The following LPIN2 variants were observed in gnomAD, a reference collection of about 807,000 sequenced individuals.
The protein encoded by LPIN2 is phosphatidate phosphatase LPIN2.
Under a neutral mutation model 111.4 loss-of-function variants are expected in LPIN2, and 55 were observed. The ratio of observed to expected loss-of-function variants is 0.49; its 90% CI spans 0.40 to 0.62. The LOEUF (loss-of-function observed/expected upper bound fraction) is 0.62, where lower values mean the gene tolerates loss of function less well. LPIN2 is among the 20% of genes least tolerant of loss of function. The probability of loss-of-function intolerance (pLI) is 0.00; values close to 1 mark genes in which losing one functional copy is unlikely to be tolerated. For synonymous variants in LPIN2, 425 were observed against 414.0 expected, an observed-to-expected ratio of 1.03 and a Z score of -0.32; for missense variants, 992 against 1,112.1, an observed-to-expected ratio of 0.89 and a Z score of 1.54.
At chr18:3,012,523 T>G (rs941477445) in intron 1 of LPIN2, among the ~76,000 whole-genome samples, 1 of 152,176 alleles carries the variant, frequency 6.6e-6, no homozygotes, top group East Asian at 1.9e-4. Flanking sequence ...CTAACCACAT[T>G]TGAATCCGGT....
chr18:2,931,184 A>T, intron 9 of LPIN2, 72 bp downstream of exon 9: 1 of 1,506,152 alleles, frequency 6.6e-7, no homozygotes, highest in Non-Finnish European at 9.2e-7. Flanking sequence ...AAATGGCTAC[A>T]CGGTAAGTTT....
intron 1 of LPIN2, among the ~76,000 whole-genome samples, chr18:2,964,668 C>T (rs1304537858): frequency 1.3e-5 from 2 of 152,148 alleles, no homozygotes; most frequent in Non-Finnish European, 2.9e-5. Flanking sequence ...CTGCAGTACC[C>T]CAAGCTGACT....
At chr18:2,936,693 C>A (rs1031081185) in intron 7 of LPIN2, among the ~76,000 whole-genome samples, 10 of 152,206 alleles carry the variant, frequency 6.6e-5, no homozygotes, top group Non-Finnish European at 1.5e-4. Flanking sequence ...GATCTTCCCA[C>A]CTCAGCCTCC....
intron 1 of LPIN2, among the ~76,000 whole-genome samples, chr18:3,002,457 C>T (rs1784752): frequency 0.91 from 139,166 of 152,182 alleles, 64,444 homozygotes; most frequent in East Asian, 1. Context: ...ACCTGCAATA[C>T]ACTAGGTATA....
chr18:2,939,405 TTTAC>T, intron 6 of LPIN2, 71 bp downstream of exon 6: 1 of 1,589,910 alleles, frequency 6.3e-7, no homozygotes, highest in Non-Finnish European at 8.6e-7. Context: ...AATTGCCTCC[TTTAC>T]TTATGGGCAG....
intron 1 of LPIN2, among the ~76,000 whole-genome samples, chr18:2,989,843 C>T (rs2078238790): frequency 6.6e-6 from 1 of 151,820 alleles, no homozygotes; most frequent in Admixed American, 6.6e-5. Context: ...TCACTTGAAC[C>T]CAGGAGGTGG....
In LPIN2 at chr18:2,918,524, C is replaced by A. The variant is rs1226038161; in HGVS notation, c.*1769G>T. The A allele has an allele frequency of 6.6e-6, 1 of 152,156 alleles. No individual in the cohort carries two copies. Among genetic ancestry groups the A allele is most frequent in the Non-Finnish European group, 1.5e-5 (1 of 68,030 alleles). 9.4% of individuals were successfully genotyped at this position (152,156 alleles called of 1,614,324 possible). On this transcript the variant is annotated 3_prime_UTR_variant, in exon 20 of 20. Coordinates refer to ENST00000677752, the MANE Select transcript of LPIN2 (RefSeq NM_001375808.2). ...GGAAGAACTTCATATAAACAGAACC[C>A]AGGATCCCTAACCTACTGTAGATAA...
chr18:2,937,982 G>A lies in LPIN2; in HGVS notation c.878C>T (p.Ser293Leu). 6.2e-7 allele frequency: 1 copy of A among 1,614,188 alleles called. No homozygotes were observed. The highest frequency in any genetic ancestry group is 8.5e-7 in the Non-Finnish European group (1 of 1,180,022). ...HHPRTATITP[S>L]ENTHFRVIPS... ...AATTACCCGAAAATGAGTATTTTCT[G>A]ATGGTGTAATTGTAGCTGTCCTAGG... Residue 293 changes from serine to leucine, a missense_variant, in exon 7 of 20, where the codon TCA becomes TTA. Physicochemically the swap from Ser to Leu is moderately radical, Grantham distance 145. Around this residue, in one of 4 missense-constraint regions of LPIN2, gnomAD observed 709 missense variants for 753.2 expected, o/e 0.94. Transcript: ENST00000677752.
At position 2,977,922 on chromosome 18, in the gene LPIN2, G is replaced by A. The variant is rs930890507; in HGVS notation, c.-9-17073C>T. Among the ~76,000 whole-genome samples the A allele has an allele frequency of 5.9e-5, 9 of 152,188 alleles. 1 individual carries two copies. In the South Asian group the frequency reaches 1.9e-3, roughly 31 times the overall value. On this transcript the variant is annotated intron_variant, in intron 1 of 19. Transcript: ENST00000677752. ...AAAGTTTGAGGAGAGGCCGGGCTCG[G>A]TGGTTTACACCTGTAATCCCAGCAC...
At chr18:2,976,875 T>C (rs1362410723) in intron 1 of LPIN2, among the ~76,000 whole-genome samples, 4 of 152,160 alleles carry the variant, frequency 2.6e-5, no homozygotes, top group South Asian at 4.1e-4. Context: ...TCCACAGATA[T>C]ACATCCAAAA....
In LPIN2 at chr18:2,939,501, G is replaced by A. The variant is rs779407137; in HGVS notation, c.801C>T (p.Gly267=). The A allele has an allele frequency of 7.4e-6, 12 of 1,613,656 alleles. No homozygotes were observed. In the East Asian group the frequency reaches 1.6e-4, roughly 21 times the overall value. The change falls in exon 6 of 20, where the codon GGC becomes GGT. Residue 267 remains glycine (G), a synonymous_variant. Transcript: ENST00000677752. The part of the protein sequence containing the change: ...RSESHMEWTW[G]GFPESTKVSK... Reference sequence around the variant, plus strand: ...GTACCTTGGTGGACTCTGGGAATCCGCCCCACGTCCACTCCATGTGAGACT... The same window carrying A: ...GTACCTTGGTGGACTCTGGGAATCCACCCCACGTCCACTCCATGTGAGACT...
chr18:2,934,747 T>G (rs1388559798), intron 7 of LPIN2, among the ~76,000 whole-genome samples: 1 of 152,188 alleles, frequency 6.6e-6, no homozygotes, highest in African/African-American at 2.4e-5. Context: ...TTTTTTGTAT[T>G]TATAGGTCTA....
chr18:2,939,461 G>A lies in LPIN2; in HGVS notation c.822+19C>T, dbSNP rs1568540309. ...TTTAATCATTAACACACTTTCCACA[G>A]GCAAGTAAACCCTAGTACCTTGGTG... On this transcript the variant is annotated intron_variant, in intron 6 of 19. Transcript: ENST00000677752. 1 of 1,613,076 alleles carries A rather than the reference G, an allele frequency of 6.2e-7. No individual in the cohort carries two copies. Among genetic ancestry groups the A allele is most frequent in the Non-Finnish European group, 8.5e-7 (1 of 1,179,326 alleles).
chr18:2,937,960 T>C lies in LPIN2; in HGVS notation c.900A>G (p.Val300=). The part of the protein sequence containing the change: ...ITPSENTHFR[V]IPSEDNLISE... ...TGATGAGGTTGTCCTCACTGGGAAT[T>C]ACCCGAAAATGAGTATTTTCTGATG... Residue 300 remains valine (V), a synonymous_variant, in exon 7 of 20, where the codon GTA becomes GTG. Coordinates refer to ENST00000677752, the MANE Select transcript of LPIN2 (RefSeq NM_001375808.2). 1 of 1,614,180 alleles carries C rather than the reference T, an allele frequency of 6.2e-7. No homozygotes were observed. Among genetic ancestry groups the C allele is most frequent in the Non-Finnish European group, 8.5e-7 (1 of 1,180,014 alleles).
In LPIN2 at chr18:2,954,603, T is replaced by C. The variant is rs1463840081; in HGVS notation, c.193-4A>G. On this transcript the variant is annotated splice_polypyrimidine_tract_variant and splice_region_variant and intron_variant, in intron 2 of 19. Transcript: ENST00000677752. ...TGCCGTTGATTTCTATATCAATCTA[T>C]GGGAGAAACAAAGTATGACTTAATG... 3.1e-6 allele frequency: 5 copies of C among 1,588,340 alleles called. 1 individual carries two copies. In the African/African-American group the frequency reaches 5.4e-5, roughly 17 times the overall value.
chr18:2,937,578 C>CG (rs1295322534), intron 7 of LPIN2, 114 bp downstream of exon 7: 8 of 616,150 alleles, frequency 1.3e-5, no homozygotes, highest in Non-Finnish European at 2.2e-5. Context: ...AAAAGTGCGA[C>CG]GGGTTTCGAC....
chr18:2,974,446 C>T (rs2077975918), intron 1 of LPIN2, among the ~76,000 whole-genome samples: 1 of 152,162 alleles, frequency 6.6e-6, no homozygotes, highest in Admixed American at 6.5e-5. Flanking sequence ...AGAAATCCTT[C>T]CTTTGTAAAA....
intron 1 of LPIN2, chr18:2,985,319 A>G (rs1472092120): frequency 6.6e-6 from 1 of 152,154 alleles, no homozygotes; most frequent in Non-Finnish European, 1.5e-5. Context: ...AACAATTCTT[A>G]ATCATCCCTA....
chr18:2,948,108 T>G (rs1296524287), intron 4 of LPIN2: 1 of 152,226 alleles, frequency 6.6e-6, no homozygotes, highest in Non-Finnish European at 1.5e-5. Context: ...TTTTTTAAAG[T>G]CCTAATTTCT....
Sources: allele counts gnomAD v4.1 joint callset (sites outside exome capture counted in the v4.1 genomes callset), GRCh38; gene constraint gnomAD v4.1.1; regional missense constraint gnomAD v4.1.1; transcripts MANE v1.5; gene names NCBI Gene and HGNC (gene_info 2026-07-23, HGNC 2026-07-21).